The following ARHGAP23 variants were observed in gnomAD, a reference collection of about 807,000 sequenced individuals.
ARHGAP23 encodes the protein Rho GTPase activating protein 23.
ARHGAP23 carries 34 observed loss-of-function variants against 136.3 expected under a neutral mutation model. That is an observed-to-expected ratio of 0.25 (90% CI 0.19 to 0.33). The LOEUF (loss-of-function observed/expected upper bound fraction) is 0.33, where lower values mean the gene tolerates loss of function less well. Ranked by LOEUF, ARHGAP23 falls within the 10% of genes least tolerant of loss-of-function variation. The pLI, the probability that ARHGAP23 is intolerant of heterozygous loss-of-function variation, is 1.00. For missense variants in ARHGAP23, 1,808 were observed against 2,139.0 expected (o/e 0.85, Z 3.05); for synonymous variants, 832 against 920.5 (o/e 0.90, Z 1.74).
At chr17:38,484,662 C>T (rs555786913) in intron 16 of ARHGAP23, among the ~76,000 whole-genome samples, 302 of 152,102 alleles carry the variant, frequency 2.0e-3, no homozygotes, top group Non-Finnish European at 3.3e-3. Flanking sequence ...CAGGAGGTAA[C>T]GGAGTCGGGT....
At chr17:38,492,975 G>A (rs1339326575) in intron 20 of ARHGAP23, among the ~76,000 whole-genome samples, 1 of 152,204 alleles carries the variant, frequency 6.6e-6, no homozygotes, top group African/African-American at 2.4e-5. Context: ...CAGCTGAGGT[G>A]TCAGGAACTG....
chr17:38,428,690 G>T, intron 1 of ARHGAP23, 142 bp downstream of exon 1: 1 of 504,822 alleles, frequency 2.0e-6, no homozygotes, highest in Admixed American at 4.6e-5. Flanking sequence ...CCGCTGCGGG[G>T]AGATTCAGCT....
intron 22 of ARHGAP23, among the ~76,000 whole-genome samples, chr17:38,499,159 T>C (rs554812905): frequency 6.6e-6 from 1 of 152,260 alleles, no homozygotes; most frequent in East Asian, 1.9e-4. Flanking sequence ...AGGCACTCAC[T>C]GGGCCCAGGG....
At chr17:38,504,978 C>CTTTTGTTTTT (rs2040599249) in intron 23 of ARHGAP23, among the ~76,000 whole-genome samples, 1 of 43,112 alleles carries the variant, frequency 2.3e-5, no homozygotes, top group African/African-American at 7.3e-5. Context: ...CCCTTATCAT[C>CTTTTGTTTTT]TTTTTTTTTT....
At chr17:38,479,925 G>A (rs1164920167) in intron 14 of ARHGAP23, 42 bp downstream of exon 14, 7 of 1,520,514 alleles carry the variant, frequency 4.6e-6, no homozygotes, top group Admixed American at 2.0e-5. Context: ...TGTGGGGGCA[G>A]GGGGCATGGG....
At chr17:38,502,107 C>G (rs2040535116) in intron 23 of ARHGAP23, among the ~76,000 whole-genome samples, 1 of 152,090 alleles carries the variant, frequency 6.6e-6, no homozygotes, top group Non-Finnish European at 1.5e-5. Context: ...AGTTAAAGAC[C>G]AGCCTGGCCA....
At chr17:38,438,546 G>A (rs2038854615) in intron 1 of ARHGAP23, among the ~76,000 whole-genome samples, 1 of 152,130 alleles carries the variant, frequency 6.6e-6, no homozygotes, top group Admixed American at 6.6e-5. Context: ...CCCCCATCAG[G>A]TCGTATCCCT....
chr17:38,485,545 G>A (rs991517110), intron 16 of ARHGAP23, among the ~76,000 whole-genome samples: 53 of 152,318 alleles, frequency 3.5e-4, no homozygotes, highest in African/African-American at 1.2e-3. Flanking sequence ...CAGGGCTGGG[G>A]TGCAGGTGAC....
chr17:38,478,581 A>AT (rs1371506883), intron 12 of ARHGAP23, among the ~76,000 whole-genome samples: 6 of 151,122 alleles, frequency 4.0e-5, no homozygotes, highest in South Asian at 4.2e-4. Context: ...TGCCCGGCTA[A>AT]TTTTTTTTTA....
intron 1 of ARHGAP23, among the ~76,000 whole-genome samples, chr17:38,435,557 C>T (rs960786072): frequency 3.3e-5 from 5 of 152,304 alleles, no homozygotes; most frequent in Middle Eastern, 3.4e-3. Context: ...CCCTGGAACC[C>T]GATCTCTCCT....
chr17:38,470,132 AC>A (rs1416263258), intron 10 of ARHGAP23, among the ~76,000 whole-genome samples: 2 of 152,110 alleles, frequency 1.3e-5, no homozygotes, highest in Non-Finnish European at 2.9e-5. Context: ...CCTCGTCTGG[AC>A]TGCCTCTTTC....
At chr17:38,442,660 G>A (rs2038944479) in intron 1 of ARHGAP23, among the ~76,000 whole-genome samples, 1 of 152,204 alleles carries the variant, frequency 6.6e-6, no homozygotes, top group Admixed American at 6.5e-5. Flanking sequence ...GTGGGTAGGA[G>A]TGAATCAGGG....
At chr17:38,461,278 A>G (rs2039454614) in intron 3 of ARHGAP23, among the ~76,000 whole-genome samples, 1 of 152,230 alleles carries the variant, frequency 6.6e-6, no homozygotes, top group Non-Finnish European at 1.5e-5. Context: ...AAGGCAGGGC[A>G]GGGCTGCAGG....
Position 38,462,864 on chromosome 17 carries a change from G to T in ARHGAP23, c.272G>T (p.Arg91Leu), listed in dbSNP as rs530373399. The T allele has an allele frequency of 1.3e-6, 2 of 1,526,958 alleles. No homozygotes were observed. The highest frequency in any genetic ancestry group is 1.8e-6 in the Non-Finnish European group (2 of 1,138,984). The allele number at this position is 1,526,958 out of a possible 1,614,324, so 94.6% of individuals were successfully genotyped here. ...CCACTAGGACCCTCCCCCCGGTACC[G>T]CCTGGAGCCCATGGACACCATCTTT... Reference protein sequence around the residue: ...GRGGGPSPRYRLEPMDTIFVK... With the variant: ...GRGGGPSPRYLLEPMDTIFVK... The change falls in exon 4 of 24, where the codon CGC becomes CTC. Residue 91 changes from arginine (R) to leucine (L), a missense_variant. Transcript: ENST00000622683.
At chr17:38,458,330 C>T in intron 2 of ARHGAP23, 67 bp downstream of exon 2, 2 of 1,444,818 alleles carry the variant, frequency 1.4e-6, no homozygotes, top group South Asian at 1.4e-5. Context: ...TCTTTTGTGC[C>T]AGTCCCCTTC....
rs1229517033 is a variant in ARHGAP23, at chr17:38,511,185, G to A, written c.*213G>A. 10 of 541,078 alleles carry A rather than the reference G, an allele frequency of 1.8e-5. No individual in the cohort carries two copies. The highest frequency in any genetic ancestry group is 2.7e-5 in the Non-Finnish European group (9 of 330,612). The allele number at this position is 541,078 out of a possible 1,614,324, so 33.5% of individuals were successfully genotyped here. On this transcript the variant is annotated 3_prime_UTR_variant, in exon 24 of 24. Transcript: ENST00000622683. ...TAATTGAATGGAAGGGGGTTCCAGA[G>A]GTGATGAGCAGAAGAGGAGGGGGCG...
rs1439298732 is a variant in ARHGAP23, at chr17:38,458,283, GC to G, written c.225+23del. 6.7e-7 allele frequency: 1 copy of G among 1,488,414 alleles called. No homozygotes were observed. The highest frequency in any genetic ancestry group is 8.9e-7 in the Non-Finnish European group (1 of 1,120,984). The allele number at this position is 1,488,414 out of a possible 1,614,324, so 92.2% of individuals were successfully genotyped here. A position where few individuals can be genotyped will look rare whatever the true frequency, so the allele number is the denominator to read the frequency against. ...CTGAAGGTATGCCCGGCTCGCCGCTGCCCTGGTCTGGGGAAGCTTTCATGAG... is the reference window on the plus strand; with the variant it reads ...CTGAAGGTATGCCCGGCTCGCCGCTGCCTGGTCTGGGGAAGCTTTCATGAG... On this transcript the variant is annotated intron_variant, in intron 2 of 23. Transcript: ENST00000622683.
intron 1 of ARHGAP23, among the ~76,000 whole-genome samples, chr17:38,453,424 T>TGC (rs1484820899): frequency 3.3e-4 from 13 of 39,866 alleles, no homozygotes; most frequent in East Asian, 1.2e-3. Flanking sequence ...TATGCGTGCG[T>TGC]GTGTGTGTGT....
rs184474357 is a variant in ARHGAP23 at position 38,496,145 on chromosome 17, G to A, written c.3277-1640G>A. On this transcript the variant is annotated intron_variant, in intron 20 of 23. Transcript: ENST00000622683. ...ACTCCTGACCTCAGGTGATCCGCCC[G>A]CCTCAGCCTCCCAAAGTGCTGGGAT... Among the ~76,000 whole-genome samples, 8 of 152,164 alleles carry A rather than the reference G, an allele frequency of 5.3e-5. No homozygotes were observed. The South Asian group carries it at 1.2e-3, about 24-fold the overall frequency.
Sources: allele counts gnomAD v4.1 joint callset (sites outside exome capture counted in the v4.1 genomes callset), GRCh38; gene constraint gnomAD v4.1.1; transcripts MANE v1.5; gene names NCBI Gene and HGNC (gene_info 2026-07-23, HGNC 2026-07-21).